Variants in HGS observed in about 807,000 individuals in gnomAD.
The protein encoded by HGS is human growth factor-regulated tyrosine kinase substrate.
A neutral mutation model predicts 109.7 loss-of-function variants in HGS; 63 were observed. The observed-to-expected ratio is 0.57, with a 90% confidence interval of 0.47 to 0.71. The LOEUF is 0.71. HGS is among the 30% of genes least tolerant of loss of function. The pLI is 0.00. For synonymous variants in HGS, 546 were observed against 437.3 expected (o/e 1.25, Z -3.10); for missense variants, 995 against 1,068.3 (o/e 0.93, Z 0.96).
intron 2 of HGS, 96 bp downstream of exon 2, chr17:81,685,785 C>T (rs1375725070): frequency 3.6e-5 from 31 of 854,266 alleles, no homozygotes; most frequent in South Asian, 5.0e-5. Context: ...CGTAGCTGAC[C>T]GTGTTAGGCT....
intron 15 of HGS, 110 bp from the exon 16 acceptor site, chr17:81,696,247 C>A: frequency 7.5e-7 from 1 of 1,334,954 alleles, no homozygotes; most frequent in South Asian, 1.5e-5. Context: ...ACCTTCAGAG[C>A]CCTCTGCAGA....
At position 81,695,096 on chromosome 17, in the gene HGS, T is replaced by C. The variant is rs199976213; in HGVS notation, c.1119+29T>C. ...AGGGGGCCACTCCCGGCATTCCTAG[T>C]GGCAGGGTCCCTTGGAAGGGGTGGA... On this transcript the variant is annotated intron_variant, in intron 13 of 21. Coordinates refer to ENST00000329138, the MANE Select transcript of HGS (RefSeq NM_004712.5). 16 of 1,612,198 alleles carry C rather than the reference T, an allele frequency of 9.9e-6. No individual in the cohort carries two copies. In the East Asian group the frequency reaches 3.3e-4, roughly 34 times the overall value.
In HGS at chr17:81,694,924, C is replaced by T. The variant is rs776342751; in HGVS notation, c.976C>T (p.Leu326Phe). Residue 326 changes from leucine to phenylalanine, a missense_variant and splice_region_variant, in exon 13 of 22, where the codon CTC becomes TTC. Coordinates refer to ENST00000329138, the MANE Select transcript of HGS (RefSeq NM_004712.5). ...GGAGTGACCCCCTCATTGCCTGCAG[C>T]TCGCACGGTATCTCAACCGGAACTA... ...APLAEDIDPE[L>F]ARYLNRNYWE... 6.2e-7 allele frequency: 1 copy of T among 1,614,228 alleles called. No homozygotes were observed. Among genetic ancestry groups the T allele is most frequent in the South Asian group, 1.1e-5 (1 of 91,084 alleles).
intron 3 of HGS, 101 bp downstream of exon 3, chr17:81,686,488 G>C: frequency 2.5e-6 from 2 of 800,048 alleles, no homozygotes; most frequent in Non-Finnish European, 4.2e-6. Context: ...CCACCTCCCT[G>C]GGCATACATC....
At chr17:81,690,901 A>G in intron 7 of HGS, 159 bp downstream of exon 7, 1 of 594,394 alleles carries the variant, frequency 1.7e-6, no homozygotes, top group Non-Finnish European at 2.9e-6. Context: ...GGAGGGGGAC[A>G]GTGAGGGCCC....
At chr17:81,685,818 C>T (rs544438629) in intron 2 of HGS, 129 bp downstream of exon 2, 1 of 622,900 alleles carries the variant, frequency 1.6e-6, no homozygotes, top group Non-Finnish European at 2.7e-6. Flanking sequence ...ACTGCATGGG[C>T]TACATGCTAG....
intron 1 of HGS, 48 bp downstream of exon 1, chr17:81,684,151 C>T (rs946842560): frequency 2.1e-6 from 3 of 1,449,366 alleles, no homozygotes; most frequent in Non-Finnish European, 1.8e-6. Context: ...CCCGCAGCCT[C>T]CGCCCGGCGC....
chr17:81,694,490 T>G (rs1820540073), intron 11 of HGS, among the ~76,000 whole-genome samples: 1 of 152,194 alleles, frequency 6.6e-6, no homozygotes, highest in Non-Finnish European at 1.5e-5. Context: ...TTCCGGGCTG[T>G]CGGCTGGGGC....
At position 81,694,980 on chromosome 17, in the gene HGS, G is replaced by A; in HGVS notation, c.1032G>A (p.Lys344=). ...YWEKKQEEAR[K]SPTPSAPVPL... Reference sequence around the variant, plus strand: ...AGAAGAAGCAGGAGGAGGCTCGCAAGAGCCCCACGCCATCTGCGCCCGTGC... The same window carrying A: ...AGAAGAAGCAGGAGGAGGCTCGCAAAAGCCCCACGCCATCTGCGCCCGTGC... Residue 344 remains lysine, a synonymous_variant, in exon 13 of 22, where the codon AAG becomes AAA. Coordinates refer to ENST00000329138, the MANE Select transcript of HGS (RefSeq NM_004712.5). 5 of 1,614,146 alleles carry A rather than the reference G, an allele frequency of 3.1e-6. No individual in the cohort carries two copies. The highest frequency in any genetic ancestry group is 4.2e-6 in the Non-Finnish European group (5 of 1,180,030).
chr17:81,693,159 T>G, intron 8 of HGS: 1 of 287,726 alleles, frequency 3.5e-6, no homozygotes, highest in Non-Finnish European at 6.5e-6. Flanking sequence ...TGTTTGCCCC[T>G]TCTTGGGTGG....
chr17:81,690,781 A>T (rs377286893), intron 7 of HGS, 39 bp downstream of exon 7: 2 of 1,573,790 alleles, frequency 1.3e-6, no homozygotes, highest in African/African-American at 2.7e-5. Flanking sequence ...CCCCGGCCAG[A>T]CACCAGGTCC....
intron 11 of HGS, 114 bp from the exon 12 acceptor site, chr17:81,694,701 A>G (rs1598748042): frequency 1.5e-5 from 19 of 1,251,658 alleles, no homozygotes; most frequent in Non-Finnish European, 2.1e-5. Context: ...GCACGGAGGG[A>G]GGGCCCAGGC....
At chr17:81,690,564 G>T in intron 6 of HGS, 110 bp from the exon 7 acceptor site, 1 of 1,103,574 alleles carries the variant, frequency 9.1e-7, no homozygotes. Context: ...GCTCTCGCTC[G>T]TGCTGGGGTC....
rs1008631694 is a variant in HGS at position 81,693,952 on chromosome 17, A to C, written c.923A>C (p.Tyr308Ser). 1 of 1,610,352 alleles carries C rather than the reference A, an allele frequency of 6.2e-7. No homozygotes were observed. Reference protein sequence around the residue: ...ASSAPPASSLYSSPVNSSAPL... With the variant: ...ASSAPPASSLSSSPVNSSAPL... ...TCAGCGCCCCCCGCCAGCAGCCTGTACTCTTCACCTGTGGTGAGCGGCCCT... is the reference window on the plus strand; with the variant it reads ...TCAGCGCCCCCCGCCAGCAGCCTGTCCTCTTCACCTGTGGTGAGCGGCCCT... Residue 308 changes from tyrosine (Y) to serine (S), a missense_variant, in exon 11 of 22, where the codon TAC becomes TCC. Around this residue, in one of 6 missense-constraint regions of HGS, gnomAD observed 300 missense variants for 235.4 expected, o/e 1.27. Transcript: ENST00000329138.
In HGS at chr17:81,700,582, T is replaced by A. The variant is rs138665031; in HGVS notation, c.1998T>A (p.Thr666=). ...CCGCTTACTCATCCTACCAGCCTAC[T>A]CCCACAGCGGGCTACCAGGTACACA... ...ASPAYSSYQP[T]PTAGYQNVAS... The change falls in exon 19 of 22, where the codon ACT becomes ACA. Residue 666 remains threonine, a synonymous_variant. Transcript: ENST00000329138. The A allele has an allele frequency of 0.012, 18,749 of 1,607,688 alleles. 148 individuals are homozygous for A. The highest frequency in any genetic ancestry group is 0.014 in the Non-Finnish European group (16,489 of 1,176,714).
At position 81,701,145 on chromosome 17, in the gene HGS, G is replaced by C. The variant is rs200868821; in HGVS notation, c.2223+14G>C. 1 of 1,610,382 alleles carries C rather than the reference G, an allele frequency of 6.2e-7. No homozygotes were observed. The highest frequency in any genetic ancestry group is 8.5e-7 in the Non-Finnish European group (1 of 1,177,164). ...ATGTACCAGCAGGTGAGCCATTCCC[G>C]GGGCCTCACAGCGGCACCCGCAGGG... is the stretch of plus-strand genomic sequence containing the variant. On this transcript the variant is annotated intron_variant, in intron 21 of 21. Coordinates refer to ENST00000329138, the MANE Select transcript of HGS (RefSeq NM_004712.5).
Position 81,701,576 on chromosome 17 carries a change from GC to G in HGS, c.2294del (p.Pro765ArgfsTer35). On this transcript the variant is annotated frameshift_variant, in exon 22 of 22. Transcript: ENST00000329138. LOFTEE classifies it high-confidence loss of function. ...CCCAGCAACCGCAGGCACAGGGGCC[GC>G]CGGCACAGGGCAGCGAGGCCCAGCT... ...VAQQPQAQGP[P>X]AQGSEAQLIS... is the part of the protein sequence containing the mutation. 6.4e-7 allele frequency: 1 copy of G among 1,571,014 alleles called. No homozygotes were observed.
Position 81,686,347 on chromosome 17 carries a change from T to C in HGS, c.158T>C (p.Val53Ala), listed in dbSNP as rs899677684. The C allele has an allele frequency of 1.2e-6, 2 of 1,613,702 alleles. No individual in the cohort carries two copies. The highest frequency in any genetic ancestry group is 1.7e-6 in the Non-Finnish European group (2 of 1,179,984). Residue 53 changes from valine to alanine, a missense_variant, in exon 3 of 22, where the codon GTC becomes GCC. Val to Ala is a moderately conservative substitution (Grantham distance 64, BLOSUM62 0). This residue lies in a region of HGS where 182 missense variants were observed against 261.3 expected (regional missense o/e 0.70). Transcript: ENST00000329138. ...GCTGTGAATTCCATCAAGAAGAAAG[T>C]CAACGACAAGAACCCACACGTCGCC... Reference protein sequence around the residue: ...KYAVNSIKKKVNDKNPHVALY... With the variant: ...KYAVNSIKKKANDKNPHVALY...
chr17:81,700,996 T>C (rs952211332), intron 20 of HGS, 49 bp from the exon 21 acceptor site: 11 of 1,573,094 alleles, frequency 7.0e-6, no homozygotes, highest in Admixed American at 1.7e-5. Context: ...CATCCCCGCC[T>C]GCCTGGTCAC....
Sources: gnomAD v4.1 joint callset for allele counts (sites outside exome capture counted in the v4.1 genomes callset) on GRCh38, gnomAD v4.1.1 for gene constraint, gnomAD v4.1.1 regional missense constraint, MANE v1.5 for transcripts, NCBI Gene and HGNC (gene_info 2026-07-23, HGNC 2026-07-21) for gene names.